NELL1: variants seen among roughly 807,000 people sequenced by gnomAD.
The protein encoded by NELL1 is neural EGFL like 1.
NELL1 carries 76 observed loss-of-function variants against 107.4 expected under a neutral mutation model. That is an observed-to-expected ratio of 0.71 (90% CI 0.59 to 0.86). The LOEUF is 0.86. Ranked by LOEUF, NELL1 falls within the 40% of genes least tolerant of loss-of-function variation. The probability of loss-of-function intolerance (pLI) is 0.00; values close to 1 mark genes in which losing one functional copy is unlikely to be tolerated. For synonymous variants in NELL1, 353 were observed against 341.2 expected (o/e 1.03, Z -0.38); for missense variants, 1,024 against 1,005.5 (o/e 1.02, Z -0.25).
At chr11:20,844,745 CAT>C (rs1327728025) in intron 3 of NELL1, among the ~76,000 whole-genome samples, 1 of 152,226 alleles carries the variant, frequency 6.6e-6, no homozygotes, top group Non-Finnish European at 1.5e-5. Context: ...CAGATGTAAA[CAT>C]AGAACATGAA....
intron 12 of NELL1, among the ~76,000 whole-genome samples, chr11:21,090,317 G>A (rs1328121785): frequency 2.0e-5 from 3 of 152,034 alleles, no homozygotes; most frequent in African/African-American, 7.2e-5. Flanking sequence ...CTCTAGGAGG[G>A]TAAGCAAAAT....
intron 15 of NELL1, among the ~76,000 whole-genome samples, chr11:21,417,710 A>T (rs770279667): frequency 2.0e-4 from 30 of 152,190 alleles, no homozygotes; most frequent in Admixed American, 7.2e-4. Context: ...CTTCCTTCTC[A>T]TCCCCATTAC....
chr11:20,938,039 G>T (rs899588130), intron 10 of NELL1, among the ~76,000 whole-genome samples, 180 bp downstream of exon 10: 1 of 152,182 alleles, frequency 6.6e-6, no homozygotes, highest in Non-Finnish European at 1.5e-5. Flanking sequence ...TATGTGGTTA[G>T]CTTGTGGTCA....
At chr11:20,723,481 C>T (rs938801391) in intron 2 of NELL1, among the ~76,000 whole-genome samples, 2 of 152,164 alleles carry the variant, frequency 1.3e-5, no homozygotes, top group African/African-American at 2.4e-5. Context: ...CCAGAGTAAT[C>T]TCCTTTGACT....
chr11:21,368,085 A>G (rs1335044666), intron 14 of NELL1, among the ~76,000 whole-genome samples: 1 of 152,168 alleles, frequency 6.6e-6, no homozygotes, highest in Non-Finnish European at 1.5e-5. Flanking sequence ...GCTTGAATTG[A>G]TCTTAATTTC....
At chr11:21,123,661 A>G (rs1855423895) in intron 13 of NELL1, among the ~76,000 whole-genome samples, 1 of 152,188 alleles carries the variant, frequency 6.6e-6, no homozygotes, top group African/African-American at 2.4e-5. Context: ...TTGACGGTTT[A>G]TAGCCAAAGG....
intron 14 of NELL1, among the ~76,000 whole-genome samples, chr11:21,337,829 TTTC>T (rs1850463641): frequency 1.5e-3 from 30 of 20,288 alleles, no homozygotes; most frequent in Admixed American, 2.1e-3. Context: ...TCTTTCTTTC[TTTC>T]TTTCTTTTCT....
intron 5 of NELL1, among the ~76,000 whole-genome samples, chr11:20,901,391 A>G (rs1244231671): frequency 6.6e-6 from 1 of 152,120 alleles, no homozygotes; most frequent in Non-Finnish European, 1.5e-5. Context: ...AATAAAATAT[A>G]TACATGACAC....
intron 18 of NELL1, 25 bp downstream of exon 18, chr11:21,570,965 G>A (rs1282159152): frequency 2.5e-6 from 4 of 1,600,634 alleles, no homozygotes; most frequent in Admixed American, 1.7e-5. Flanking sequence ...TTTATAAGGT[G>A]TTGAGCCTTT....
intron 15 of NELL1, among the ~76,000 whole-genome samples, chr11:21,482,120 T>C (rs1052342840): frequency 6.6e-6 from 1 of 152,228 alleles, no homozygotes; most frequent in African/African-American, 2.4e-5. Context: ...GTTTATAGAA[T>C]TGACAGAAAG....
intron 13 of NELL1, among the ~76,000 whole-genome samples, chr11:21,194,722 C>A (rs1217056230): frequency 6.6e-6 from 1 of 152,138 alleles, no homozygotes; most frequent in Admixed American, 6.5e-5. Flanking sequence ...AATAAGCCTT[C>A]CATATGATGC....
At chr11:20,748,730 G>T (rs939866650) in intron 2 of NELL1, among the ~76,000 whole-genome samples, 21 of 152,136 alleles carry the variant, frequency 1.4e-4, no homozygotes, top group Admixed American at 1.3e-3. Flanking sequence ...TGCTGTAAAA[G>T]ACATTATTTT....
intron 5 of NELL1, among the ~76,000 whole-genome samples, chr11:20,909,262 A>G (rs2134144846): frequency 6.6e-6 from 1 of 152,320 alleles, no homozygotes; most frequent in East Asian, 1.9e-4. Context: ...ATGGTTGCAT[A>G]ACACTGTGAA....
intron 13 of NELL1, among the ~76,000 whole-genome samples, chr11:21,175,739 T>A (rs1297928038): frequency 6.6e-6 from 1 of 151,924 alleles, no homozygotes; most frequent in African/African-American, 2.4e-5. Flanking sequence ...ACTGTCACTT[T>A]TTATCAAAAC....
rs528501303 is a variant in NELL1, at chr11:21,495,081, G to A, written c.1646-39293G>A. Among the ~76,000 whole-genome samples the A allele has an allele frequency of 2.0e-5, 3 of 152,126 alleles. No individual in the cohort carries two copies. The South Asian group carries it at 6.2e-4, about 32-fold the overall frequency. ...GTAAATCAGTTTTTCAAAGATCTTT[G>A]CAACCATTGCCAATAGCTAATTTTA... On this transcript the variant is annotated intron_variant, in intron 15 of 19. Coordinates refer to ENST00000357134, the MANE Select transcript of NELL1 (RefSeq NM_006157.5).
intron 4 of NELL1, among the ~76,000 whole-genome samples, chr11:20,878,240 G>A (rs1849342510): frequency 2.0e-5 from 3 of 151,306 alleles, no homozygotes; most frequent in Non-Finnish European, 4.4e-5. Context: ...GGTGCCTGTG[G>A]TCCCAGCTAC....
At chr11:21,453,118 A>G (rs933288511) in intron 15 of NELL1, among the ~76,000 whole-genome samples, 4 of 152,084 alleles carry the variant, frequency 2.6e-5, no homozygotes, top group Non-Finnish European at 4.4e-5. Context: ...AATGTCAATA[A>G]GGATATTTTG....
intron 14 of NELL1, chr11:21,284,279 G>A: frequency 2.2e-6 from 1 of 457,202 alleles, no homozygotes; most frequent in South Asian, 1.5e-5. Context: ...AGACATCCTA[G>A]TTGTTTGGGA....
chr11:20,808,961 T>C lies in NELL1; in HGVS notation c.335+25131T>C, dbSNP rs182535087. 1.9e-3 allele frequency among the ~76,000 whole-genome samples: 291 copies of C among 152,332 alleles called. 1 individual carries two copies. The highest frequency in any genetic ancestry group is 6.6e-3 in the African/African-American group (274 of 41,568). On this transcript the variant is annotated intron_variant, in intron 3 of 19. Transcript: ENST00000357134. Reference sequence around the variant, plus strand: ...TGAAGTTAAAACCAGGTACTGTGATTGGTCACCTGATTTTGGGTTTTTATA... The same window carrying C: ...TGAAGTTAAAACCAGGTACTGTGATCGGTCACCTGATTTTGGGTTTTTATA...
Sources: allele counts gnomAD v4.1 joint callset (sites outside exome capture counted in the v4.1 genomes callset), GRCh38; gene constraint gnomAD v4.1.1; transcripts MANE v1.5; gene names NCBI Gene and HGNC (gene_info 2026-07-23, HGNC 2026-07-21).